The following CYP2J2 variants were observed in gnomAD, a reference collection of about 807,000 sequenced individuals.
CYP2J2 encodes the protein cytochrome P450 family 2 subfamily J member 2, also known as cytochrome P450 2J2.
Under a neutral mutation model 48.8 loss-of-function variants are expected in CYP2J2, and 41 were observed. The observed-to-expected ratio is 0.84, with a 90% CI of 0.66 to 1.09. The LOEUF (loss-of-function observed/expected upper bound fraction) is 1.09. Among genes scored for constraint, CYP2J2 ranks in the 50% least tolerant of loss-of-function variants. The pLI is 0.00. For missense variants in CYP2J2, 644 were observed against 617.3 expected, an observed-to-expected ratio of 1.04 and a Z score of -0.46; for synonymous variants, 221 against 227.1, an observed-to-expected ratio of 0.97 and a Z score of 0.24.
chr1:59,920,666 C>A (rs1287861975), intron 1 of CYP2J2, among the ~76,000 whole-genome samples: 1 of 151,902 alleles, frequency 6.6e-6, no homozygotes. Context: ...GTTTGGTTTT[C>A]AATCAGAATT....
At chr1:59,968,998 G>GT in the CYP2J2 span, among the ~76,000 whole-genome samples, 1 of 152,146 alleles carries the variant, frequency 6.6e-6, no homozygotes, top group South Asian at 2.1e-4. Flanking sequence ...GACTTTCGCC[G>GT]TGAGTGTTAA....
chr1:59,939,662 G>A, the CYP2J2 span, among the ~76,000 whole-genome samples: 4 of 152,134 alleles, frequency 2.6e-5, no homozygotes, highest in African/African-American at 9.7e-5. Context: ...TTCCCTTCAG[G>A]GGCCAAGTTC....
chr1:59,900,887 C>A, intron 8 of CYP2J2, 78 bp downstream of exon 8: 2 of 1,513,408 alleles, frequency 1.3e-6, no homozygotes, highest in Admixed American at 1.7e-5. Context: ...CCAATGAAAA[C>A]AAGGGAAAAC....
chr1:59,943,373 G>A, the CYP2J2 span, among the ~76,000 whole-genome samples: 1 of 152,184 alleles, frequency 6.6e-6, no homozygotes, highest in South Asian at 2.1e-4. Context: ...AGGAGGGCCT[G>A]GAAGTACAAC....
chr1:59,960,607 C>T, the CYP2J2 span, among the ~76,000 whole-genome samples: 1 of 152,126 alleles, frequency 6.6e-6, no homozygotes, highest in African/African-American at 2.4e-5. Flanking sequence ...AGGATTTAGG[C>T]GGAGGCGGGT....
chr1:59,930,828 T>G (rs934128669), upstream of CYP2J2, among the ~76,000 whole-genome samples: 1 of 152,176 alleles, frequency 6.6e-6, no homozygotes, highest in African/African-American at 2.4e-5. Flanking sequence ...TACTTAAGAA[T>G]GTCCTTAGAT....
chr1:59,924,952 A>G (rs1644552031), intron 1 of CYP2J2, among the ~76,000 whole-genome samples: 1 of 152,154 alleles, frequency 6.6e-6, no homozygotes, highest in South Asian at 2.1e-4. Flanking sequence ...AAAGTTAAAG[A>G]ATAGAAATGC....
chr1:59,902,748 G>A lies in CYP2J2; in HGVS notation c.1192-1645C>T, dbSNP rs11572298. Among the ~76,000 whole-genome samples, 27 of 152,252 alleles carry A rather than the reference G, an allele frequency of 1.8e-4. No individual in the cohort carries two copies. The East Asian group carries it at 3.9e-3, about 22-fold the overall frequency. Reference sequence around the variant, plus strand: ...CTATTTTAAGCACTTTCTGTACTAAGTACTGGGTTAAATGCCCTACATGCA... The same window carrying A: ...CTATTTTAAGCACTTTCTGTACTAAATACTGGGTTAAATGCCCTACATGCA... On this transcript the variant is annotated intron_variant, in intron 7 of 8. Transcript: ENST00000371204.
intron 4 of CYP2J2, among the ~76,000 whole-genome samples, chr1:59,910,312 T>G (rs1302254988): frequency 6.6e-6 from 1 of 152,228 alleles, no homozygotes; most frequent in African/African-American, 2.4e-5. Flanking sequence ...AAAATGGGTC[T>G]TTTTAGAAAT....
the CYP2J2 span, among the ~76,000 whole-genome samples, chr1:59,938,178 C>CA: frequency 6.6e-6 from 1 of 152,162 alleles, no homozygotes; most frequent in Non-Finnish European, 1.5e-5. Context: ...CCAGCCCCTC[C>CA]ACACCTGTGG....
In CYP2J2 at chr1:59,922,511, A is replaced by G. The variant is rs1644525762; in HGVS notation, c.210+4026T>C. On this transcript the variant is annotated intron_variant, in intron 1 of 8. Coordinates refer to ENST00000371204, the MANE Select transcript of CYP2J2 (RefSeq NM_000775.4). The stretch of plus-strand genomic sequence containing the variant: ...GCAAACCTATATAAAATAAAAATAA[A>G]TGATGACAGTGTGATAAGAAAATCA... 2.6e-5 allele frequency among the ~76,000 whole-genome samples: 4 copies of G among 152,350 alleles called. No homozygotes were observed. The South Asian group carries it at 6.2e-4, about 24-fold the overall frequency.
chr1:59,947,528 G>A, the CYP2J2 span, among the ~76,000 whole-genome samples: 1 of 152,134 alleles, frequency 6.6e-6, no homozygotes, highest in South Asian at 2.1e-4. Flanking sequence ...GTGGTCTTAA[G>A]GTGCAACTAC....
chr1:59,924,755 T>TA (rs1488057291), intron 1 of CYP2J2, among the ~76,000 whole-genome samples: 4 of 151,272 alleles, frequency 2.6e-5, no homozygotes, highest in African/African-American at 9.8e-5. Flanking sequence ...AACAGAGGCA[T>TA]AAAAAACAGG....
chr1:59,908,059 G>A, intron 5 of CYP2J2, 132 bp from the exon 6 acceptor site: 1 of 842,888 alleles, frequency 1.2e-6, no homozygotes, highest in South Asian at 1.7e-5. Flanking sequence ...TTTCCCTTTG[G>A]CCTCTTCAGA....
the CYP2J2 span, among the ~76,000 whole-genome samples, chr1:59,935,866 C>A: frequency 6.6e-6 from 1 of 152,196 alleles, no homozygotes; most frequent in Non-Finnish European, 1.5e-5. Context: ...CTCCTTCTCC[C>A]AGGTTCAAGT....
chr1:59,946,006 T>C, the CYP2J2 span, among the ~76,000 whole-genome samples: 1 of 152,234 alleles, frequency 6.6e-6, no homozygotes, highest in Admixed American at 6.5e-5. Flanking sequence ...GTCTTCCTGC[T>C]TTTATGGCTG....
the CYP2J2 span, among the ~76,000 whole-genome samples, chr1:59,961,971 A>T: frequency 1.3e-5 from 2 of 152,288 alleles, no homozygotes; most frequent in African/African-American, 2.4e-5. Flanking sequence ...GATGAGGTAG[A>T]TAATAAGGAG....
the CYP2J2 span, among the ~76,000 whole-genome samples, chr1:59,945,088 T>C: frequency 1.3e-5 from 2 of 152,274 alleles, no homozygotes; most frequent in East Asian, 3.9e-4. Context: ...TCAAACTTTT[T>C]TGGGGAGTGG....
chr1:59,952,042 G>A, the CYP2J2 span, among the ~76,000 whole-genome samples: 7 of 151,728 alleles, frequency 4.6e-5, no homozygotes, highest in African/African-American at 1.7e-4. Flanking sequence ...ACTAAATACT[G>A]TAAGGCTAGC....
Sources: allele counts gnomAD v4.1 joint callset (sites outside exome capture counted in the v4.1 genomes callset), GRCh38; gene constraint gnomAD v4.1.1; transcripts MANE v1.5; gene names NCBI Gene and HGNC (gene_info 2026-07-23, HGNC 2026-07-21).